SAE1: variants seen among roughly 807,000 people sequenced by gnomAD.
SAE1 encodes the protein SUMO-activating enzyme subunit 1.
In SAE1, 11 loss-of-function variants were observed where a neutral mutation model predicts 40.6. The ratio of observed to expected loss-of-function variants is 0.27; its 90% confidence interval spans 0.17 to 0.45. SAE1 has a LOEUF of 0.45. Among genes scored for constraint, SAE1 ranks in the 20% least tolerant of loss-of-function variants. The pLI, the probability that SAE1 is intolerant of heterozygous loss-of-function variation, is 1.00. For synonymous variants in SAE1, 155 were observed against 154.3 expected, an observed-to-expected ratio of 1.00 and a Z score of -0.03; for missense variants, 373 against 427.3, an observed-to-expected ratio of 0.87 and a Z score of 1.12.
At chr19:47,183,518 AT>A (rs1396166988) in intron 6 of SAE1, among the ~76,000 whole-genome samples, 1 of 152,066 alleles carries the variant, frequency 6.6e-6, no homozygotes, top group Non-Finnish European at 1.5e-5. Flanking sequence ...ACCTCGTGAC[AT>A]TTTCTTATTC....
rs993730904 is a variant in SAE1, at chr19:47,154,535, C to T, written c.528-579C>T. On this transcript the variant is annotated intron_variant, in intron 4 of 8. Coordinates refer to ENST00000270225, the MANE Select transcript of SAE1 (RefSeq NM_005500.3). ...TCTGAGACAGACTTTCACTCAGTTGCCCAGGCTGGAGTACAGTGGCGTGAT... is the reference window on the plus strand; with the variant it reads ...TCTGAGACAGACTTTCACTCAGTTGTCCAGGCTGGAGTACAGTGGCGTGAT... Among the ~76,000 whole-genome samples the T allele has an allele frequency of 1.3e-4, 15 of 115,268 alleles. No individual in the cohort carries two copies. In the South Asian group the frequency reaches 4.2e-3, roughly 32 times the overall value. 75.6% of individuals were successfully genotyped at this position (115,268 alleles called of 152,430 possible).
At position 47,170,709 on chromosome 19, in the gene SAE1, T is replaced by C. The variant is rs564030753; in HGVS notation, c.733+786T>C. Among the ~76,000 whole-genome samples the C allele has an allele frequency of 1.7e-3, 262 of 152,132 alleles. 3 individuals carry two copies. Among genetic ancestry groups the C allele is most frequent in the Middle Eastern group, 0.014 (4 of 294 alleles). ...TTTTTGTAGAAGCGAAGTTTCTCCA[T>C]GTAGCCAGGCTGGACTTGAACTCCT... On this transcript the variant is annotated intron_variant, in intron 6 of 8. Coordinates refer to ENST00000270225, the MANE Select transcript of SAE1 (RefSeq NM_005500.3).
chr19:47,172,799 A>G (rs1011257086), intron 6 of SAE1, among the ~76,000 whole-genome samples: 93 of 151,956 alleles, frequency 6.1e-4, no homozygotes, highest in Non-Finnish European at 1.0e-3. Flanking sequence ...AAAAAAGCAC[A>G]TATCTTCACG....
At chr19:47,150,585 AGTT>A (rs1416379902) in intron 3 of SAE1, among the ~76,000 whole-genome samples, 2 of 152,140 alleles carry the variant, frequency 1.3e-5, no homozygotes, top group South Asian at 2.1e-4. Flanking sequence ...CATCTGCTGT[AGTT>A]GTTGGTGACT....
chr19:47,165,636 G>A (rs777650370), intron 5 of SAE1, among the ~76,000 whole-genome samples: 4 of 152,170 alleles, frequency 2.6e-5, no homozygotes, highest in Non-Finnish European at 4.4e-5. Context: ...AGGCATTGTC[G>A]GGTGTATTTT....
chr19:47,189,300 G>A (rs1334482434), intron 6 of SAE1, among the ~76,000 whole-genome samples: 1 of 152,004 alleles, frequency 6.6e-6, no homozygotes, highest in African/African-American at 2.4e-5. Context: ...GCTCACGCCT[G>A]TAACCCCAGC....
intron 5 of SAE1, among the ~76,000 whole-genome samples, chr19:47,160,214 ATTTTTTT>A (rs748289334): frequency 4.0e-5 from 3 of 74,588 alleles, no homozygotes; most frequent in Admixed American, 2.1e-4. Flanking sequence ...AAAATCCTGC[ATTTTTTT>A]TTTTTTTTTT....
chr19:47,199,109 G>A (rs1413973024), intron 7 of SAE1, among the ~76,000 whole-genome samples: 1 of 150,694 alleles, frequency 6.6e-6, no homozygotes, highest in Non-Finnish European at 1.5e-5. Flanking sequence ...GCGTAAGGCT[G>A]GGCGCGGTGG....
intron 5 of SAE1, among the ~76,000 whole-genome samples, chr19:47,163,384 G>C (rs1439103429): frequency 6.6e-6 from 1 of 152,062 alleles, no homozygotes; most frequent in Non-Finnish European, 1.5e-5. Context: ...TATAACAACT[G>C]TTTACATAGC....
chr19:47,152,198 T>G (rs2058292466), intron 3 of SAE1, among the ~76,000 whole-genome samples: 1 of 152,244 alleles, frequency 6.6e-6, no homozygotes, highest in Non-Finnish European at 1.5e-5. Flanking sequence ...GAAAAGATGG[T>G]ATTTTGTGCA....
In SAE1 at chr19:47,155,227, G is replaced by A. The variant is rs1357349993; in HGVS notation, c.627+14G>A. The stretch of plus-strand genomic sequence containing the variant: ...ATGGTCAAAAAGGTATGTGTAACGT[G>A]GGGGCAGAGGTCAGAAACCCTGGGG... On this transcript the variant is annotated intron_variant, in intron 5 of 8. Coordinates refer to ENST00000270225, the MANE Select transcript of SAE1 (RefSeq NM_005500.3). The A allele has an allele frequency of 7.7e-6, 12 of 1,566,298 alleles. No homozygotes were observed. Among genetic ancestry groups the A allele is most frequent in the Middle Eastern group, 1.7e-4 (1 of 5,992 alleles).
chr19:47,198,163 G>A (rs2058628225), intron 7 of SAE1, among the ~76,000 whole-genome samples: 1 of 151,808 alleles, frequency 6.6e-6, no homozygotes, highest in South Asian at 2.1e-4. Flanking sequence ...AGGCTGGAGT[G>A]CAATGGCACA....
intron 6 of SAE1, 127 bp downstream of exon 6, chr19:47,170,050 G>C: frequency 1.4e-6 from 1 of 690,318 alleles, no homozygotes; most frequent in Non-Finnish European, 2.6e-6. Context: ...CTAGTTCTCA[G>C]TGATCACTTG....
At chr19:47,155,313 TGGGGC>T in intron 5 of SAE1, 100 bp downstream of exon 5, 1 of 773,628 alleles carries the variant, frequency 1.3e-6, no homozygotes, top group Non-Finnish European at 2.2e-6. Context: ...CTTGAAGGGG[TGGGGC>T]GGGTGCTTGT....
At chr19:47,141,010 C>A (rs781019960) in intron 1 of SAE1, among the ~76,000 whole-genome samples, 2 of 151,804 alleles carry the variant, frequency 1.3e-5, no homozygotes, top group Non-Finnish European at 2.9e-5. Context: ...CACCAACATG[C>A]CCAGCTAATT....
At chr19:47,201,499 G>A (rs1382066242) in intron 7 of SAE1, among the ~76,000 whole-genome samples, 8 of 147,388 alleles carry the variant, frequency 5.4e-5, no homozygotes, top group Non-Finnish European at 1.0e-4. Context: ...AGCCTCTGGA[G>A]TAGCTGGGAC....
chr19:47,200,399 A>AT (rs35657499), intron 7 of SAE1, among the ~76,000 whole-genome samples: 6,485 of 102,450 alleles, frequency 0.063, 424 homozygotes, highest in African/African-American at 0.18. Flanking sequence ...AGCCTGCCTA[A>AT]TTTTTTTTTT....
rs552941196 is a variant in SAE1 at position 47,157,310 on chromosome 19, G to T, written c.627+2097G>T. ...TTCTTTCTTTTTGAGGCCCAGTCAA[G>T]ATTTATCTGAATAGCTCCGTGAATT... On this transcript the variant is annotated intron_variant, in intron 5 of 8. Coordinates refer to ENST00000270225, the MANE Select transcript of SAE1 (RefSeq NM_005500.3). Among the ~76,000 whole-genome samples, 126 of 152,288 alleles carry T rather than the reference G, an allele frequency of 8.3e-4. 1 individual carries two copies. Among genetic ancestry groups the T allele is most frequent in the Non-Finnish European group, 1.5e-3 (105 of 68,016 alleles).
chr19:47,187,659 C>A (rs1470161137), intron 6 of SAE1, among the ~76,000 whole-genome samples: 1 of 152,144 alleles, frequency 6.6e-6, no homozygotes, highest in African/African-American at 2.4e-5. Context: ...GTAGCTGGGA[C>A]TACAGGTGCC....
Sources: gnomAD v4.1 joint callset for allele counts (sites outside exome capture counted in the v4.1 genomes callset) on GRCh38, gnomAD v4.1.1 for gene constraint, MANE v1.5 for transcripts, NCBI Gene and HGNC (gene_info 2026-07-23, HGNC 2026-07-21) for gene names.